Variants in DUSP11 observed in about 807,000 individuals in gnomAD.
DUSP11 encodes the protein RNA/RNP complex-1-interacting phosphatase.
A neutral mutation model predicts 41.4 loss-of-function variants in DUSP11; 27 were observed. The ratio of observed to expected loss-of-function variants is 0.65; its 90% CI spans 0.48 to 0.90. The LOEUF is 0.90. DUSP11 is among the 40% of genes least tolerant of loss of function. DUSP11 has a pLI of 0.00. For synonymous variants in DUSP11, 188 were observed against 159.3 expected, an observed-to-expected ratio of 1.18 and a Z score of -1.35; for missense variants, 465 against 461.1, an observed-to-expected ratio of 1.01 and a Z score of -0.08.
At chr2:73,779,847 C>A in intron 1 of DUSP11, 27 bp downstream of exon 1, 2 of 1,611,722 alleles carry the variant, frequency 1.2e-6, no homozygotes, top group East Asian at 2.2e-5. Context: ...GCTGGAAAGG[C>A]CACGCCAAGG....
intron 4 of DUSP11, chr2:73,773,431 C>T: frequency 2.8e-6 from 1 of 351,476 alleles, no homozygotes; most frequent in Non-Finnish European, 5.5e-6. Flanking sequence ...AATCTTTGCC[C>T]TTTCTTGTCT....
chr2:73,763,530 CCTGA>C (rs1464735476), intron 8 of DUSP11, among the ~76,000 whole-genome samples: 1 of 152,068 alleles, frequency 6.6e-6, no homozygotes, highest in African/African-American at 2.4e-5. Context: ...TCAAGACCAG[CCTGA>C]CTAACATGGA....
At chr2:73,778,598 G>C (rs1374185768) in intron 1 of DUSP11, among the ~76,000 whole-genome samples, 1 of 151,988 alleles carries the variant, frequency 6.6e-6, no homozygotes, top group Non-Finnish European at 1.5e-5. Context: ...CAACACAACA[G>C]TACAACTCAA....
intron 4 of DUSP11, among the ~76,000 whole-genome samples, chr2:73,770,493 C>T (rs1218166448): frequency 2.1e-5 from 3 of 146,044 alleles, no homozygotes; most frequent in East Asian, 4.0e-4. Context: ...CCAGCTTTGG[C>T]GACAGAGTGA....
At chr2:73,772,227 A>G (rs1672596434) in intron 4 of DUSP11, among the ~76,000 whole-genome samples, 1 of 152,228 alleles carries the variant, frequency 6.6e-6, no homozygotes, top group South Asian at 2.1e-4. Flanking sequence ...TTCATGCTCT[A>G]ACAACAAATC....
intron 4 of DUSP11, among the ~76,000 whole-genome samples, chr2:73,771,988 T>A (rs895936275): frequency 1.1e-4 from 17 of 149,824 alleles, no homozygotes; most frequent in Non-Finnish European, 8.9e-5. Flanking sequence ...GCCTGGCTAA[T>A]TTTTTGTATT....
chr2:73,778,795 C>G (rs1672733873), intron 1 of DUSP11, among the ~76,000 whole-genome samples: 3 of 152,154 alleles, frequency 2.0e-5, no homozygotes, highest in Admixed American at 2.0e-4. Context: ...TAGGAAACTT[C>G]AAGTTCATAT....
At chr2:73,779,400 T>A (rs1238117926) in intron 1 of DUSP11, 1 of 174,424 alleles carries the variant, frequency 5.7e-6, no homozygotes, top group Non-Finnish European at 1.3e-5. Flanking sequence ...TATAAAGGAG[T>A]TATCTTTCAA....
chr2:73,768,964 A>T, intron 5 of DUSP11: 1 of 219,074 alleles, frequency 4.6e-6, no homozygotes, highest in Non-Finnish European at 8.9e-6. Flanking sequence ...TCAATAAAAA[A>T]AAAAAAAAAA....
intron 3 of DUSP11, 128 bp from the exon 4 acceptor site, chr2:73,774,051 C>T (rs1672634587): frequency 1.4e-6 from 1 of 715,392 alleles, no homozygotes; most frequent in East Asian, 3.0e-5. Context: ...TCAGTATACA[C>T]AATTCTGATA....
intron 1 of DUSP11, among the ~76,000 whole-genome samples, chr2:73,778,586 G>GC (rs1672729391): frequency 6.6e-6 from 1 of 151,972 alleles, no homozygotes; most frequent in South Asian, 2.1e-4. Context: ...ACGAACACAA[G>GC]CCAACACAAC....
intron 5 of DUSP11, chr2:73,767,928 A>G (rs1420294625): frequency 6.6e-6 from 1 of 152,108 alleles, no homozygotes; most frequent in Non-Finnish European, 1.5e-5. Context: ...CATCCCCAAC[A>G]AAAAAAATTC....
intron 2 of DUSP11, among the ~76,000 whole-genome samples, chr2:73,776,761 A>G (rs1672696059): frequency 6.6e-6 from 1 of 152,238 alleles, no homozygotes; most frequent in Non-Finnish European, 1.5e-5. Flanking sequence ...ATTATCTACA[A>G]AATTATTTAT....
chr2:73,769,224 A>G, intron 5 of DUSP11, 41 bp downstream of exon 5: 1 of 1,560,842 alleles, frequency 6.4e-7, no homozygotes, highest in Non-Finnish European at 8.8e-7. Context: ...AAACAGACAA[A>G]AACAATTTAA....
intron 1 of DUSP11, chr2:73,779,510 G>T: frequency 4.1e-6 from 1 of 246,738 alleles, no homozygotes. Flanking sequence ...ACTACTGCTG[G>T]GTTCCTAACT....
At chr2:73,779,737 G>T (rs1267440051) in intron 1 of DUSP11, 137 bp downstream of exon 1, 2 of 1,341,760 alleles carry the variant, frequency 1.5e-6, no homozygotes, top group Non-Finnish European at 2.0e-6. Context: ...TGGCGCAGAG[G>T]GTCAAAGCCT....
chr2:73,765,180 G>A (rs549055857), intron 8 of DUSP11, among the ~76,000 whole-genome samples: 7 of 152,094 alleles, frequency 4.6e-5, no homozygotes, highest in African/African-American at 7.2e-5. Context: ...CTCAGTTTGC[G>A]TAGGTACCAT....
At position 73,779,999 on chromosome 2, in the gene DUSP11, CA is replaced by C. The variant is rs1328655119; in HGVS notation, c.116del (p.Leu39TrpfsTer10). 6.2e-7 allele frequency: 1 copy of C among 1,614,248 alleles called. No homozygotes were observed. Reference sequence around the variant, plus strand: ...TGTGGGTCCCAAGAAGCCGCCCACCCAATGCCAAGTCGGCCAAAAGCGCCAG... The same window carrying C: ...TGTGGGTCCCAAGAAGCCGCCCACCCATGCCAAGTCGGCCAAAAGCGCCAG... On this transcript the variant is annotated frameshift_variant, in exon 1 of 9. In the 5' UTR this introduces an upstream ATG that the reference lacks. Transcript: ENST00000272444. LOFTEE classifies it high-confidence loss of function.
intron 2 of DUSP11, 82 bp downstream of exon 2, chr2:73,778,219 A>G (rs963679553): frequency 1.1e-6 from 1 of 902,754 alleles, no homozygotes; most frequent in Non-Finnish European, 1.7e-6. Flanking sequence ...AAAAGAGAAA[A>G]TGGAATGTGA....
Sources: gnomAD v4.1 joint callset for allele counts (sites outside exome capture counted in the v4.1 genomes callset) on GRCh38, gnomAD v4.1.1 for gene constraint, MANE v1.5 for transcripts, NCBI Gene and HGNC (gene_info 2026-07-23, HGNC 2026-07-21) for gene names.